Variants in GRID2 observed in about 807,000 individuals in gnomAD.
The protein encoded by GRID2 is glutamate receptor ionotropic, delta-2.
GRID2 carries 33 observed loss-of-function variants against 114.8 expected under a neutral mutation model. The ratio of observed to expected loss-of-function variants is 0.29; its 90% confidence interval spans 0.22 to 0.38. GRID2 has a LOEUF of 0.38. Ranked by LOEUF, GRID2 falls within the 10% of genes least tolerant of loss-of-function variation. The probability of loss-of-function intolerance (pLI) is 1.00; values close to 1 mark genes in which losing one functional copy is unlikely to be tolerated. For missense variants in GRID2, 1,184 were observed against 1,257.7 expected, an observed-to-expected ratio of 0.94 and a Z score of 0.89; for synonymous variants, 505 against 449.9, an observed-to-expected ratio of 1.12 and a Z score of -1.55.
At chr4:93,320,500 T>C (rs1386697051) in intron 8 of GRID2, among the ~76,000 whole-genome samples, 1 of 152,132 alleles carries the variant, frequency 6.6e-6, no homozygotes, top group Admixed American at 6.6e-5. Context: ...TCTACATTTT[T>C]TTAAACTTCT....
intron 11 of GRID2, among the ~76,000 whole-genome samples, chr4:93,465,432 G>A (rs6852537): frequency 6.6e-6 from 1 of 152,104 alleles, no homozygotes; most frequent in Non-Finnish European, 1.5e-5. Context: ...GTTTCCTTAA[G>A]AGACAGCTCA....
At chr4:93,644,429 C>T (rs13136588) in intron 14 of GRID2, among the ~76,000 whole-genome samples, 26,159 of 150,072 alleles carry the variant, frequency 0.17, 2,666 homozygotes, top group Middle Eastern at 0.34. Context: ...TAAAAAAAAT[C>T]GTGAGATTTC....
At chr4:92,527,707 C>CA (rs113540437) in intron 1 of GRID2, among the ~76,000 whole-genome samples, 1,657 of 152,068 alleles carry the variant, frequency 0.011, 27 homozygotes, top group African/African-American at 0.038. Flanking sequence ...TAGCATAAGA[C>CA]AAACCTCCAA....
At chr4:92,633,442 G>A (rs558607600) in intron 2 of GRID2, among the ~76,000 whole-genome samples, 1 of 152,184 alleles carries the variant, frequency 6.6e-6, no homozygotes, top group African/African-American at 2.4e-5. Context: ...AGGTTGGAAG[G>A]GAGAAGAAGA....
chr4:93,019,869 T>A (rs910512667), intron 2 of GRID2, among the ~76,000 whole-genome samples: 1 of 152,178 alleles, frequency 6.6e-6, no homozygotes, highest in Non-Finnish European at 1.5e-5. Flanking sequence ...GTACAGCCAT[T>A]ATACATCCAT....
At chr4:92,905,327 A>G (rs189742128) in intron 2 of GRID2, among the ~76,000 whole-genome samples, 111 of 152,190 alleles carry the variant, frequency 7.3e-4, no homozygotes, top group African/African-American at 2.5e-3. Context: ...AAAGTCTTTA[A>G]CTTCAGCTGT....
intron 1 of GRID2, among the ~76,000 whole-genome samples, chr4:92,315,883 T>C (rs1041073298): frequency 2.0e-5 from 3 of 150,994 alleles, no homozygotes; most frequent in African/African-American, 4.9e-5. Context: ...GGCAGGAGAA[T>C]TGCTTGAACC....
intron 2 of GRID2, among the ~76,000 whole-genome samples, chr4:92,876,079 T>C (rs1745606590): frequency 6.6e-6 from 1 of 152,002 alleles, no homozygotes; most frequent in Non-Finnish European, 1.5e-5. Context: ...TACCAAATAC[T>C]ATAATATTAA....
intron 13 of GRID2, among the ~76,000 whole-genome samples, chr4:93,597,297 G>T (rs1161936442): frequency 6.6e-6 from 1 of 151,976 alleles, no homozygotes; most frequent in African/African-American, 2.4e-5. Flanking sequence ...TATATATTTT[G>T]ATAAGCTGTT....
At chr4:92,907,816 G>A (rs959902106) in intron 2 of GRID2, among the ~76,000 whole-genome samples, 1 of 152,038 alleles carries the variant, frequency 6.6e-6, no homozygotes, top group African/African-American at 2.4e-5. Context: ...CTGAGGTTAG[G>A]AGTTCGAGAC....
intron 2 of GRID2, among the ~76,000 whole-genome samples, chr4:92,628,881 T>G (rs1173066162): frequency 1.3e-5 from 2 of 152,142 alleles, no homozygotes; most frequent in Admixed American, 1.3e-4. Context: ...AATCTTTTAT[T>G]TTCTTTTAAT....
At chr4:93,475,312 A>C (rs1725219479) in intron 11 of GRID2, among the ~76,000 whole-genome samples, 1 of 152,184 alleles carries the variant, frequency 6.6e-6, no homozygotes, top group Non-Finnish European at 1.5e-5. Context: ...TAAGCATAAG[A>C]GCTCTGTAAA....
At chr4:92,817,391 T>G (rs1439322792) in intron 2 of GRID2, among the ~76,000 whole-genome samples, 1 of 152,134 alleles carries the variant, frequency 6.6e-6, no homozygotes, top group Non-Finnish European at 1.5e-5. Flanking sequence ...TCCTATTTTC[T>G]TCAGGATAAA....
At chr4:92,696,610 A>G (rs1483740590) in intron 2 of GRID2, among the ~76,000 whole-genome samples, 2 of 152,172 alleles carry the variant, frequency 1.3e-5, no homozygotes, top group Non-Finnish European at 2.9e-5. Context: ...AATTTGAGCC[A>G]GAATCGTATA....
intron 4 of GRID2, among the ~76,000 whole-genome samples, chr4:93,180,838 T>C (rs1435933211): frequency 1.3e-5 from 2 of 152,160 alleles, no homozygotes; most frequent in African/African-American, 4.8e-5. Context: ...CTAATTCTTA[T>C]TCCCTTGCTA....
intron 2 of GRID2, among the ~76,000 whole-genome samples, chr4:92,733,190 T>G (rs1736415924): frequency 6.6e-6 from 1 of 152,088 alleles, no homozygotes. Flanking sequence ...TCACAGCACA[T>G]TCATTTTAAA....
chr4:92,650,792 T>C (rs1731890002), intron 2 of GRID2, among the ~76,000 whole-genome samples: 1 of 151,934 alleles, frequency 6.6e-6, no homozygotes, highest in Admixed American at 6.6e-5. Context: ...TTTTGCTTGG[T>C]TCCTGGACCC....
intron 1 of GRID2, among the ~76,000 whole-genome samples, chr4:92,500,288 G>A (rs190734602): frequency 2.0e-3 from 298 of 151,240 alleles, no homozygotes; most frequent in Middle Eastern, 3.4e-3. Flanking sequence ...TTTGTGCTTC[G>A]TTTTGAGATA....
At chr4:92,843,683 C>T (rs529856206) in intron 2 of GRID2, among the ~76,000 whole-genome samples, 12 of 152,076 alleles carry the variant, frequency 7.9e-5, no homozygotes, top group African/African-American at 2.6e-4. Context: ...TTCTGTTGAA[C>T]GACTTGAGGA....
Sources: allele counts gnomAD v4.1 joint callset (sites outside exome capture counted in the v4.1 genomes callset), GRCh38; gene constraint gnomAD v4.1.1; transcripts MANE v1.5; gene names NCBI Gene and HGNC (gene_info 2026-07-23, HGNC 2026-07-21).